GLI3: variants seen among roughly 807,000 people sequenced by gnomAD.
GLI3 encodes the protein transcription activator GLI3.
GLI3 carries 20 observed loss-of-function variants against 100.8 expected under a neutral mutation model. The ratio of observed to expected loss-of-function variants is 0.20; its 90% CI spans 0.14 to 0.29. The LOEUF (loss-of-function observed/expected upper bound fraction) is 0.29. GLI3 is among the 10% of genes least tolerant of loss of function. The probability of loss-of-function intolerance (pLI) is 1.00; values close to 1 mark genes in which losing one functional copy is unlikely to be tolerated. For missense variants in GLI3, 2,040 were observed against 2,128.5 expected (o/e 0.96, Z 0.82); for synonymous variants, 938 against 860.5 (o/e 1.09, Z -1.58).
chr7:42,143,964 G>C (rs1419868733), intron 3 of GLI3, among the ~76,000 whole-genome samples: 1 of 152,130 alleles, frequency 6.6e-6, no homozygotes, highest in East Asian at 1.9e-4. Flanking sequence ...CATGACTAGT[G>C]AATCCGAGAA....
chr7:42,261,104 G>C (rs1398902848), intron 1 of GLI3, among the ~76,000 whole-genome samples: 1 of 152,114 alleles, frequency 6.6e-6, no homozygotes, highest in Non-Finnish European at 1.5e-5. Flanking sequence ...CATCAGCTCG[G>C]CTTCTGGGAG....
intron 3 of GLI3, among the ~76,000 whole-genome samples, chr7:42,137,473 T>C (rs1296112638): frequency 1.3e-5 from 2 of 152,126 alleles, no homozygotes; most frequent in African/African-American, 4.8e-5. Flanking sequence ...ACGGCAAACC[T>C]TTCAGTAGAA....
At position 42,001,373 on chromosome 7, in the gene GLI3, A is replaced by C. The variant is rs572169986; in HGVS notation, c.1497+22095T>G. Reference sequence around the variant, plus strand: ...GGATTCTATGATCAATGGTGTTAGGAGGCCAACCTGACCATATTCTCCTCT... The same window carrying C: ...GGATTCTATGATCAATGGTGTTAGGCGGCCAACCTGACCATATTCTCCTCT... On this transcript the variant is annotated intron_variant, in intron 10 of 14. Transcript: ENST00000395925. Among the ~76,000 whole-genome samples, 23 of 152,146 alleles carry C rather than the reference A, an allele frequency of 1.5e-4. No homozygotes were observed. The South Asian group carries it at 4.8e-3, about 32-fold the overall frequency.
Position 42,048,483 on chromosome 7 carries a change from G to A in GLI3, c.679+8C>T, listed in dbSNP as rs1377762350. 9 of 1,593,532 alleles carry A rather than the reference G, an allele frequency of 5.6e-6. No individual in the cohort carries two copies. Among genetic ancestry groups the A allele is most frequent in the Non-Finnish European group, 7.7e-6 (9 of 1,162,062 alleles). On this transcript the variant is annotated splice_region_variant and intron_variant, in intron 5 of 14. Coordinates refer to ENST00000395925, the MANE Select transcript of GLI3 (RefSeq NM_000168.6). The stretch of plus-strand genomic sequence containing the variant: ...GATCTCCAGAAGCAGAATCCATCCT[G>A]GACTTACCATCTGTAGGGCTCAGCC...
Position 42,223,241 on chromosome 7 carries a change from A to T in GLI3, c.13T>A (p.Ser5Thr), listed in dbSNP as rs776566842. 2 of 1,613,526 alleles carry T rather than the reference A, an allele frequency of 1.2e-6. No individual in the cohort carries two copies. Among genetic ancestry groups the T allele is most frequent in the South Asian group, 2.2e-5 (2 of 91,068 alleles). The part of the protein sequence containing the change: MEAQ[S>T]HSSTTTEKKK... ...TTTTCAGTGGTCGTGGAGCTGTGGGACTGGGCCTCCATGATGTCTTCTCAT... is the reference window on the plus strand; with the variant it reads ...TTTTCAGTGGTCGTGGAGCTGTGGGTCTGGGCCTCCATGATGTCTTCTCAT... Residue 5 changes from serine (S) to threonine (T), a missense_variant, in exon 2 of 15, where the codon TCC (serine) becomes ACC (threonine). This residue lies in a region of GLI3 where 603 missense variants were observed against 690.9 expected (regional missense o/e 0.87). Coordinates refer to ENST00000395925, the MANE Select transcript of GLI3 (RefSeq NM_000168.6).
intron 3 of GLI3, among the ~76,000 whole-genome samples, chr7:42,125,171 C>A (rs1006453858): frequency 6.6e-6 from 1 of 152,144 alleles, no homozygotes; most frequent in Non-Finnish European, 1.5e-5. Context: ...ACAGTCCTCA[C>A]GCTAACAAGT....
intron 10 of GLI3, among the ~76,000 whole-genome samples, chr7:42,016,387 C>A (rs1446173868): frequency 1.3e-5 from 2 of 152,174 alleles, no homozygotes; most frequent in African/African-American, 4.8e-5. Context: ...CATACCAACC[C>A]CAACACTGCC....
At chr7:42,039,617 G>A (rs1784088656) in intron 7 of GLI3, among the ~76,000 whole-genome samples, 3 of 152,168 alleles carry the variant, frequency 2.0e-5, no homozygotes, top group Admixed American at 2.0e-4. Context: ...TCTCTTCAGA[G>A]TTGTAGGACA....
chr7:42,161,338 C>T (rs993945054), intron 2 of GLI3, among the ~76,000 whole-genome samples: 2 of 152,178 alleles, frequency 1.3e-5, no homozygotes, highest in Admixed American at 6.5e-5. Context: ...ATGTTGTCTA[C>T]AGCTGTTTTG....
At chr7:42,026,745 TA>T (rs1275763777) in intron 7 of GLI3, among the ~76,000 whole-genome samples, 1 of 152,242 alleles carries the variant, frequency 6.6e-6, no homozygotes, top group East Asian at 1.9e-4. Context: ...ATAGGACTTT[TA>T]TTGGCTCTTA....
At chr7:42,162,965 C>CTTTT (rs58993499) in intron 2 of GLI3, among the ~76,000 whole-genome samples, 4 of 95,578 alleles carry the variant, frequency 4.2e-5, no homozygotes, top group African/African-American at 8.8e-5. Flanking sequence ...GAATAAACAC[C>CTTTT]TTTTTTTTTT....
At chr7:42,149,957 A>G (rs1786816238) in intron 2 of GLI3, 1 of 152,266 alleles carries the variant, frequency 6.6e-6, no homozygotes, top group African/African-American at 2.4e-5. Context: ...ACCTAAAGCC[A>G]GCAGCAAGTT....
chr7:41,964,260 A>T lies in GLI3; in HGVS notation c.*70T>A. 1.4e-6 allele frequency: 2 copies of T among 1,416,970 alleles called. No individual in the cohort carries two copies. Among genetic ancestry groups the T allele is most frequent in the South Asian group, 2.4e-5 (2 of 84,562 alleles). The allele number at this position is 1,416,970 out of a possible 1,614,324, so 87.8% of individuals were successfully genotyped here. Reference sequence around the variant, plus strand: ...TACATACAGAACTAAAAAAACAGCCAAAACAAAGTCAGTTTAATCTCTTCA... The same window carrying T: ...TACATACAGAACTAAAAAAACAGCCTAAACAAAGTCAGTTTAATCTCTTCA... On this transcript the variant is annotated 3_prime_UTR_variant, in exon 15 of 15. Transcript: ENST00000395925.
At chr7:42,007,413 C>G (rs1452733374) in intron 10 of GLI3, among the ~76,000 whole-genome samples, 1 of 152,054 alleles carries the variant, frequency 6.6e-6, no homozygotes, top group East Asian at 1.9e-4. Flanking sequence ...ATTTTAAAAA[C>G]TCAATGATCA....
intron 10 of GLI3, among the ~76,000 whole-genome samples, chr7:41,986,401 C>T (rs1375452874): frequency 2.0e-5 from 3 of 149,544 alleles, no homozygotes; most frequent in Non-Finnish European, 4.4e-5. Flanking sequence ...AAATATGACC[C>T]CCACCCCACC....
intron 4 of GLI3, among the ~76,000 whole-genome samples, chr7:42,068,984 G>A (rs1306795745): frequency 1.3e-5 from 2 of 152,144 alleles, no homozygotes; most frequent in African/African-American, 4.8e-5. Context: ...CTTAACATGA[G>A]TGGAAGCATT....
intron 3 of GLI3, among the ~76,000 whole-genome samples, chr7:42,136,113 T>A (rs549240290): frequency 6.6e-6 from 1 of 152,316 alleles, no homozygotes; most frequent in East Asian, 1.9e-4. Flanking sequence ...GTATTATCTG[T>A]TGACATGTGA....
rs146121617 is a variant in GLI3 at position 42,081,902 on chromosome 7, T to G, written c.368-5045A>C. ...AAACTGCTAAGTGCAGAAGTCCTCA[T>G]GGGTGATTTAAATACTGAAGTCGTC... On this transcript the variant is annotated intron_variant, in intron 3 of 14. Transcript: ENST00000395925. 2.0e-3 allele frequency among the ~76,000 whole-genome samples: 307 copies of G among 152,158 alleles called. 3 individuals carry two copies. Among genetic ancestry groups the G allele is most frequent in the African/African-American group, 7.1e-3 (293 of 41,488 alleles).
At chr7:42,169,529 A>C (rs573116306) in intron 2 of GLI3, among the ~76,000 whole-genome samples, 1 of 152,366 alleles carries the variant, frequency 6.6e-6, no homozygotes, top group East Asian at 1.9e-4. Context: ...TTGAATACTC[A>C]CATATACATA....
Sources: gnomAD v4.1 joint callset for allele counts (sites outside exome capture counted in the v4.1 genomes callset) on GRCh38, gnomAD v4.1.1 for gene constraint, gnomAD v4.1.1 regional missense constraint, MANE v1.5 for transcripts, NCBI Gene and HGNC (gene_info 2026-07-23, HGNC 2026-07-21) for gene names.